The following KIAA1958 variants were observed in gnomAD, a reference collection of about 807,000 sequenced individuals.
The protein encoded by KIAA1958 is KIAA1958, also known as uncharacterized protein KIAA1958.
In KIAA1958, 14 loss-of-function variants were observed where a neutral mutation model predicts 47.2. The ratio of observed to expected loss-of-function variants is 0.30; its 90% CI spans 0.20 to 0.46. The LOEUF (loss-of-function observed/expected upper bound fraction) is 0.46. Among genes scored for constraint, KIAA1958 ranks in the 20% least tolerant of loss-of-function variants. The probability of loss-of-function intolerance (pLI) is 1.00; values close to 1 mark genes in which losing one functional copy is unlikely to be tolerated. For missense variants in KIAA1958, 803 were observed against 909.2 expected (o/e 0.88, Z 1.50); for synonymous variants, 354 against 353.3 (o/e 1.00, Z -0.02).
In KIAA1958 at chr9:112,661,836, A is replaced by C. The variant is rs1201709698; in HGVS notation, c.*1767A>C. ...CGTTCTGGTGTGGTTTCCTGTAGTG[A>C]TCTTAGGGTTTTGATTTAAAAGAAA... is the stretch of plus-strand genomic sequence containing the variant. On this transcript the variant is annotated 3_prime_UTR_variant, in exon 4 of 4. Transcript: ENST00000337530. The C allele has an allele frequency of 6.6e-6, 1 of 152,196 alleles. No homozygotes were observed. The highest frequency in any genetic ancestry group is 1.5e-5 in the Non-Finnish European group (1 of 68,042). 9.4% of individuals were successfully genotyped at this position (152,196 alleles called of 1,614,324 possible). A position where few individuals can be genotyped will look rare whatever the true frequency, so the allele number is the denominator to read the frequency against.
rs577309850 is a variant in KIAA1958 at position 112,551,040 on chromosome 9, T to G, written c.-24-23017T>G. Among the ~76,000 whole-genome samples, 167 of 152,000 alleles carry G rather than the reference T, an allele frequency of 1.1e-3. 1 individual carries two copies. The highest frequency in any genetic ancestry group is 3.7e-3 in the African/African-American group (152 of 41,530). On this transcript the variant is annotated intron_variant, in intron 1 of 3. Coordinates refer to ENST00000337530, the MANE Select transcript of KIAA1958 (RefSeq NM_133465.4). ...TTAACACTTTACTGCATAGTTGTTTTTTTTTTTTTTTTAAGTTAGGGAGGT... is the reference window on the plus strand; with the variant it reads ...TTAACACTTTACTGCATAGTTGTTTGTTTTTTTTTTTTAAGTTAGGGAGGT...
chr9:112,576,586 T>C (rs1282743347), intron 2 of KIAA1958, among the ~76,000 whole-genome samples: 2 of 152,236 alleles, frequency 1.3e-5, no homozygotes, highest in African/African-American at 4.8e-5. Context: ...ATGTTTCATA[T>C]ACATGGAATC....
At chr9:112,487,360 AC>A (rs886126213) in intron 1 of KIAA1958, among the ~76,000 whole-genome samples, 5 of 148,130 alleles carry the variant, frequency 3.4e-5, no homozygotes, top group African/African-American at 1.3e-4. Flanking sequence ...AGGCGCAGAG[AC>A]CCCCGGTGGC....
At chr9:112,616,138 G>A (rs1038638946) in intron 2 of KIAA1958, among the ~76,000 whole-genome samples, 2 of 152,102 alleles carry the variant, frequency 1.3e-5, no homozygotes, top group Admixed American at 6.5e-5. Context: ...TGTTTTTGAT[G>A]GAAAGATAAA....
At chr9:112,557,489 G>A (rs1322625091) in intron 1 of KIAA1958, among the ~76,000 whole-genome samples, 1 of 152,186 alleles carries the variant, frequency 6.6e-6, no homozygotes, top group Non-Finnish European at 1.5e-5. Flanking sequence ...TGGGATTCAG[G>A]CCTCAGCAGC....
At chr9:112,578,673 AT>A (rs1379415837) in intron 2 of KIAA1958, among the ~76,000 whole-genome samples, 7 of 152,156 alleles carry the variant, frequency 4.6e-5, no homozygotes, top group Non-Finnish European at 1.0e-4. Context: ...TATAGATAAA[AT>A]CATTAATTTT....
chr9:112,612,045 AT>A, intron 2 of KIAA1958, among the ~76,000 whole-genome samples: 1 of 38,262 alleles, frequency 2.6e-5, no homozygotes, highest in East Asian at 3.8e-4. Flanking sequence ...TTAAATATAT[AT>A]TAAAAAATGT....
At chr9:112,567,349 G>C (rs1835442682) in intron 1 of KIAA1958, among the ~76,000 whole-genome samples, 1 of 152,156 alleles carries the variant, frequency 6.6e-6, no homozygotes, top group Non-Finnish European at 1.5e-5. Flanking sequence ...TGATGTTGTG[G>C]CTCAAGGGCG....
intron 1 of KIAA1958, among the ~76,000 whole-genome samples, chr9:112,512,105 A>G (rs1834334341): frequency 6.6e-6 from 1 of 152,210 alleles, no homozygotes; most frequent in South Asian, 2.1e-4. Context: ...TAGGGAAGAC[A>G]TAGTATTAAT....
chr9:112,517,794 A>G (rs79575137), intron 1 of KIAA1958, among the ~76,000 whole-genome samples: 1,674 of 152,378 alleles, frequency 0.011, 18 homozygotes, highest in Non-Finnish European at 0.019. Context: ...AACAGACCCA[A>G]GAAGATATAC....
At chr9:112,553,649 G>A (rs1473260084) in intron 1 of KIAA1958, among the ~76,000 whole-genome samples, 8 of 152,162 alleles carry the variant, frequency 5.3e-5, no homozygotes, top group Admixed American at 3.9e-4. Flanking sequence ...ATTACACTGT[G>A]TACTGTTATC....
At position 112,610,876 on chromosome 9, in the gene KIAA1958, G is replaced by A. The variant is rs139667089; in HGVS notation, c.1172-34774G>A. On this transcript the variant is annotated intron_variant, in intron 2 of 3. Transcript: ENST00000337530. ...GTATTAACATGCAGAATTCAACAGA[G>A]CATTAAAGGAATATACCACAAGCAA... Among the ~76,000 whole-genome samples, 824 of 152,214 alleles carry A rather than the reference G, an allele frequency of 5.4e-3. 11 individuals carry two copies. Among genetic ancestry groups the A allele is most frequent in the African/African-American group, 0.019 (791 of 41,540 alleles).
intron 1 of KIAA1958, among the ~76,000 whole-genome samples, chr9:112,507,681 T>G (rs1834254162): frequency 6.6e-6 from 1 of 152,206 alleles, no homozygotes; most frequent in Admixed American, 6.5e-5. Context: ...TGGGAATTTT[T>G]GTTTTGTGTG....
intron 1 of KIAA1958, among the ~76,000 whole-genome samples, chr9:112,551,036 GTTT>G (rs201387967): frequency 1.6e-5 from 2 of 122,662 alleles, no homozygotes. Flanking sequence ...CTGCATAGTT[GTTT>G]TTTTTTTTTT....
At chr9:112,534,020 G>C (rs1010467835) in intron 1 of KIAA1958, among the ~76,000 whole-genome samples, 1 of 152,154 alleles carries the variant, frequency 6.6e-6, no homozygotes, top group African/African-American at 2.4e-5. Flanking sequence ...CAGAGCCTTG[G>C]AGTCATTGGC....
intron 1 of KIAA1958, among the ~76,000 whole-genome samples, chr9:112,560,198 CTTTTTTTTTCTTT>C (rs920816387): frequency 1.8e-5 from 2 of 108,664 alleles, no homozygotes; most frequent in African/African-American, 7.5e-5. Context: ...TTTTCTTTTT[CTTTTTTTTTCTTT>C]TTTTGAAGAG....
At position 112,545,163 on chromosome 9, in the gene KIAA1958, C is replaced by T. The variant is rs536690472; in HGVS notation, c.-24-28894C>T. ...TTCATCCTTAGTTTTTCTGGTCTAC[C>T]GTTGACCTCCATTAATGATCCCAAA... On this transcript the variant is annotated intron_variant, in intron 1 of 3. Transcript: ENST00000337530. Among the ~76,000 whole-genome samples, 3 of 152,194 alleles carry T rather than the reference C, an allele frequency of 2.0e-5. No homozygotes were observed. In the East Asian group the frequency reaches 5.8e-4, roughly 29 times the overall value.
intron 1 of KIAA1958, among the ~76,000 whole-genome samples, chr9:112,569,040 G>C (rs1051746630): frequency 6.0e-5 from 9 of 149,626 alleles, no homozygotes; most frequent in African/African-American, 2.0e-4. Context: ...AGAACTGGCC[G>C]ACTTTCATGA....
intron 1 of KIAA1958, among the ~76,000 whole-genome samples, chr9:112,544,319 C>CA (rs771766448): frequency 1.3e-5 from 2 of 152,210 alleles, no homozygotes; most frequent in African/African-American, 4.8e-5. Context: ...ATGAAAAACT[C>CA]AGAGTTCTAA....
Sources: gnomAD v4.1 joint callset for allele counts (sites outside exome capture counted in the v4.1 genomes callset) on GRCh38, gnomAD v4.1.1 for gene constraint, MANE v1.5 for transcripts, NCBI Gene and HGNC (gene_info 2026-07-23, HGNC 2026-07-21) for gene names.